Variants in HPSE2 observed in about 807,000 individuals in gnomAD.
HPSE2 encodes inactive heparanase-2.
In HPSE2, 38 loss-of-function variants were observed where a neutral mutation model predicts 60.5. That is an observed-to-expected ratio of 0.63 (90% CI 0.48 to 0.82). The LOEUF is 0.82. Among genes scored for constraint, HPSE2 ranks in the 40% least tolerant of loss-of-function variants. HPSE2 has a pLI of 0.00. For missense variants in HPSE2, 713 were observed against 740.4 expected (o/e 0.96, Z 0.43); for synonymous variants, 295 against 293.2 (o/e 1.01, Z -0.06).
intron 3 of HPSE2, among the ~76,000 whole-genome samples, chr10:98,795,019 A>AAGGAAG (rs1554996928): frequency 4.1e-4 from 23 of 56,148 alleles, no homozygotes; most frequent in African/African-American, 1.6e-3. Flanking sequence ...AGAGAGAGAG[A>AAGGAAG]GAAGGAAGGA....
At chr10:99,190,453 A>AAAC (rs1402758734) in intron 2 of HPSE2, among the ~76,000 whole-genome samples, 1 of 152,226 alleles carries the variant, frequency 6.6e-6, no homozygotes, top group African/African-American at 2.4e-5. Flanking sequence ...ACAGATTAAA[A>AAAC]AACAACAACA....
At chr10:98,533,939 G>A (rs1471894633) in intron 9 of HPSE2, among the ~76,000 whole-genome samples, 1 of 152,144 alleles carries the variant, frequency 6.6e-6, no homozygotes, top group African/African-American at 2.4e-5. Context: ...TCCTCAGAGA[G>A]CAATTAACCA....
At chr10:99,279,745 A>G in the HPSE2 span, among the ~76,000 whole-genome samples, 13 of 152,216 alleles carry the variant, frequency 8.5e-5, no homozygotes, top group Non-Finnish European at 1.5e-4. Flanking sequence ...AACAAAACCC[A>G]TGGGAAACAT....
At chr10:98,778,264 C>CAGAGAGAGAGAGAGGGAG (rs1950385789) in intron 3 of HPSE2, among the ~76,000 whole-genome samples, 1 of 112,654 alleles carries the variant, frequency 8.9e-6, no homozygotes, top group Non-Finnish European at 1.8e-5. Flanking sequence ...GAGAGAGAGA[C>CAGAGAGAGAGAGAGGGAG]AGAGAGAGAG....
intron 3 of HPSE2, among the ~76,000 whole-genome samples, chr10:99,096,322 A>T (rs1376134002): frequency 6.6e-6 from 1 of 152,226 alleles, no homozygotes; most frequent in African/African-American, 2.4e-5. Flanking sequence ...AAACAATGAA[A>T]ATAACAGTAT....
At chr10:98,833,104 C>G (rs952761449) in intron 3 of HPSE2, among the ~76,000 whole-genome samples, 3 of 152,172 alleles carry the variant, frequency 2.0e-5, no homozygotes, top group Non-Finnish European at 4.4e-5. Flanking sequence ...TATCAACAAA[C>G]AGCATTTTCT....
At chr10:99,000,471 G>A (rs548111217) in intron 3 of HPSE2, among the ~76,000 whole-genome samples, 2 of 152,038 alleles carry the variant, frequency 1.3e-5, no homozygotes, top group Non-Finnish European at 2.9e-5. Context: ...AAATTGCATA[G>A]AGTGACAAGA....
chr10:98,952,967 C>A (rs1234666293), intron 3 of HPSE2, among the ~76,000 whole-genome samples: 1 of 152,150 alleles, frequency 6.6e-6, no homozygotes, highest in Non-Finnish European at 1.5e-5. Context: ...GTGGGGGAAG[C>A]AATTCAGTCC....
chr10:99,267,788 A>AC, the HPSE2 span, among the ~76,000 whole-genome samples: 1 of 151,452 alleles, frequency 6.6e-6, no homozygotes, highest in Non-Finnish European at 1.5e-5. Flanking sequence ...AAAAAAAAAA[A>AC]ACAAAAAACA....
chr10:99,176,800 C>T (rs981199491), intron 2 of HPSE2, among the ~76,000 whole-genome samples: 2 of 151,798 alleles, frequency 1.3e-5, no homozygotes, highest in Non-Finnish European at 1.5e-5. Context: ...AGGAGAGCAA[C>T]CCCCAAGACA....
chr10:99,163,496 G>A (rs974754602), intron 2 of HPSE2, among the ~76,000 whole-genome samples: 2 of 152,088 alleles, frequency 1.3e-5, no homozygotes, highest in African/African-American at 4.8e-5. Flanking sequence ...ATGTACACGT[G>A]TGTACATGTA....
At chr10:98,629,432 G>C (rs1946301569) in intron 7 of HPSE2, among the ~76,000 whole-genome samples, 1 of 152,178 alleles carries the variant, frequency 6.6e-6, no homozygotes, top group Non-Finnish European at 1.5e-5. Context: ...GTCAGTCTTT[G>C]TTCCTTATTG....
chr10:99,306,436 T>C, the HPSE2 span, among the ~76,000 whole-genome samples: 1 of 152,108 alleles, frequency 6.6e-6, no homozygotes, highest in South Asian at 2.1e-4. Flanking sequence ...CTAAAGCCAG[T>C]CTCTCCTCCT....
chr10:99,011,754 C>CAAAAAA (rs5787319), intron 3 of HPSE2, among the ~76,000 whole-genome samples: 3 of 93,080 alleles, frequency 3.2e-5, no homozygotes, highest in African/African-American at 4.5e-5. Context: ...GACTCCATCT[C>CAAAAAA]AAAAAAAAAA....
chr10:99,176,898 G>A (rs1847547434), intron 2 of HPSE2, among the ~76,000 whole-genome samples: 1 of 152,014 alleles, frequency 6.6e-6, no homozygotes, highest in South Asian at 2.1e-4. Context: ...ACAAAGGGAA[G>A]CCCATCAGAC....
chr10:99,024,108 G>A (rs1262099328), intron 3 of HPSE2, among the ~76,000 whole-genome samples: 2 of 152,102 alleles, frequency 1.3e-5, no homozygotes, highest in Admixed American at 6.5e-5. Context: ...CCCAGAGAAG[G>A]AATTCAGAAT....
chr10:99,242,326 A>G, the HPSE2 span, among the ~76,000 whole-genome samples: 1 of 152,184 alleles, frequency 6.6e-6, no homozygotes, highest in African/African-American at 2.4e-5. Flanking sequence ...TCATGTGTTC[A>G]ATGGCTTCAT....
At chr10:99,298,712 GTC>G in the HPSE2 span, among the ~76,000 whole-genome samples, 1 of 145,564 alleles carries the variant, frequency 6.9e-6, no homozygotes, top group African/African-American at 2.5e-5. Flanking sequence ...GTCTCGCTCT[GTC>G]GCCAGGCTGG....
At chr10:98,812,410 C>T (rs1026674639) in intron 3 of HPSE2, among the ~76,000 whole-genome samples, 1 of 152,082 alleles carries the variant, frequency 6.6e-6, no homozygotes, top group African/African-American at 2.4e-5. Flanking sequence ...CTGTGAACAC[C>T]TATTAAAAAT....
Sources: gnomAD v4.1 joint callset for allele counts (sites outside exome capture counted in the v4.1 genomes callset) on GRCh38, gnomAD v4.1.1 for gene constraint, MANE v1.5 for transcripts, NCBI Gene and HGNC (gene_info 2026-07-23, HGNC 2026-07-21) for gene names.